The following ARHGAP26 variants were observed in gnomAD, a reference collection of about 807,000 sequenced individuals.
ARHGAP26 encodes the protein rho GTPase-activating protein 26.
A neutral mutation model predicts 104.8 loss-of-function variants in ARHGAP26; 38 were observed. The ratio of observed to expected loss-of-function variants is 0.36; its 90% CI spans 0.28 to 0.48. The LOEUF (loss-of-function observed/expected upper bound fraction) is 0.48. ARHGAP26 is among the 20% of genes least tolerant of loss of function. The pLI is 0.99. For synonymous variants in ARHGAP26, 341 were observed against 340.0 expected, an observed-to-expected ratio of 1.00 and a Z score of -0.03; for missense variants, 704 against 947.9, an observed-to-expected ratio of 0.74 and a Z score of 3.38.
intron 17 of ARHGAP26, among the ~76,000 whole-genome samples, chr5:143,096,183 T>C (rs1032586591): frequency 6.6e-6 from 1 of 152,232 alleles, no homozygotes; most frequent in African/African-American, 2.4e-5. Flanking sequence ...TTAGAAAATA[T>C]TAGTAAACTG....
chr5:143,147,529 G>C (rs983367245), intron 20 of ARHGAP26, 148 bp downstream of exon 20: 35 of 913,456 alleles, frequency 3.8e-5, no homozygotes, highest in Middle Eastern at 6.9e-4. Context: ...CAGCTGGCTT[G>C]TTGTGGGTTT....
At chr5:143,075,873 A>G (rs1365278858) in intron 17 of ARHGAP26, among the ~76,000 whole-genome samples, 2 of 151,418 alleles carry the variant, frequency 1.3e-5, no homozygotes, top group Non-Finnish European at 2.9e-5. Flanking sequence ...TAATTTTTGT[A>G]TTTTTTGTAG....
intron 17 of ARHGAP26, among the ~76,000 whole-genome samples, chr5:143,082,953 A>G (rs1790029277): frequency 6.6e-6 from 1 of 152,212 alleles, no homozygotes; most frequent in Non-Finnish European, 1.5e-5. Flanking sequence ...TGGTATTCAT[A>G]GCTAAATATC....
At chr5:142,948,022 C>A (rs552174642) in intron 11 of ARHGAP26, among the ~76,000 whole-genome samples, 4 of 152,188 alleles carry the variant, frequency 2.6e-5, no homozygotes, top group African/African-American at 9.6e-5. Context: ...CATAATCATA[C>A]CTTGTGTCTT....
Position 143,214,007 on chromosome 5 carries a change from C to A in ARHGAP26, c.2110C>A (p.Arg704=). 1 of 1,589,522 alleles carries A rather than the reference C, an allele frequency of 6.3e-7. No homozygotes were observed. The highest frequency in any genetic ancestry group is 2.3e-5 in the East Asian group (1 of 44,238). Residue 704 remains arginine (R), a synonymous_variant, in exon 22 of 23, where the codon CGG becomes AGG. Transcript: ENST00000645722. ...SDSSPVSTPF[R]KAKALYACKA... ...CCTGTTTTCACACAGCACACCGTTCCGGAAGGCAAAAGCCTTGTATGCCTG... is the reference window on the plus strand; with the variant it reads ...CCTGTTTTCACACAGCACACCGTTCAGGAAGGCAAAAGCCTTGTATGCCTG...
At chr5:143,211,724 G>A (rs533594340) in intron 21 of ARHGAP26, among the ~76,000 whole-genome samples, 3 of 151,626 alleles carry the variant, frequency 2.0e-5, no homozygotes, top group South Asian at 4.2e-4. Context: ...GTCCCATCAT[G>A]CCTGGCTAAT....
Position 143,147,154 on chromosome 5 carries a change from T to C in ARHGAP26, c.1838-77T>C. The stretch of plus-strand genomic sequence containing the variant: ...GATCTTGATCCAGTCTTATTCTTTA[T>C]ACATTTTTGTGCATGTAGCAATAGA... On this transcript the variant is annotated intron_variant, in intron 19 of 22. Transcript: ENST00000645722. 6.8e-6 allele frequency: 10 copies of C among 1,474,406 alleles called. 1 individual carries two copies. The South Asian group carries it at 1.0e-4, about 15-fold the overall frequency. The allele number at this position is 1,474,406 out of a possible 1,614,324, so 91.3% of individuals were successfully genotyped here.
At chr5:143,188,254 A>G (rs1805436365) in intron 20 of ARHGAP26, among the ~76,000 whole-genome samples, 1 of 152,210 alleles carries the variant, frequency 6.6e-6, no homozygotes, top group Non-Finnish European at 1.5e-5. Flanking sequence ...TCCAGAGCTG[A>G]CCTAGAACAC....
At chr5:142,925,775 A>G in intron 10 of ARHGAP26, among the ~76,000 whole-genome samples, 1 of 152,174 alleles carries the variant, frequency 6.6e-6, no homozygotes, top group Non-Finnish European at 1.5e-5. Context: ...CAGCTCTTCT[A>G]CTTTGAATTT....
chr5:143,012,780 A>C lies in ARHGAP26; in HGVS notation c.1108-1300A>C, dbSNP rs1035006789. The stretch of plus-strand genomic sequence containing the variant: ...GCCATTCTCCTGCCTCAGCCTCCCA[A>C]GTAGCTGGGACTACAGGCGCCCGCC... On this transcript the variant is annotated intron_variant, in intron 11 of 22. Coordinates refer to ENST00000645722, the MANE Select transcript of ARHGAP26 (RefSeq NM_001135608.3). Among the ~76,000 whole-genome samples, 4 of 149,986 alleles carry C rather than the reference A, an allele frequency of 2.7e-5. No individual in the cohort carries two copies. In the South Asian group the frequency reaches 6.4e-4, roughly 24 times the overall value.
intron 12 of ARHGAP26, among the ~76,000 whole-genome samples, chr5:143,020,756 A>G (rs1262707588): frequency 2.0e-5 from 3 of 147,092 alleles, no homozygotes; most frequent in African/African-American, 7.6e-5. Context: ...CTCCTGCCTC[A>G]GCCTCCCAAG....
rs1419600545 is a variant in ARHGAP26 at position 143,224,636 on chromosome 5, T to G, written c.*2190T>G. ...TCCACATCTTCTGAGGCTTTAGAAA[T>G]GTGGACAAGCTAGTTTTCAAATTTT... is the stretch of plus-strand genomic sequence containing the variant. On this transcript the variant is annotated 3_prime_UTR_variant, in exon 23 of 23. Coordinates refer to ENST00000645722, the MANE Select transcript of ARHGAP26 (RefSeq NM_001135608.3). 6 of 230,700 alleles carry G rather than the reference T, an allele frequency of 2.6e-5. No individual in the cohort carries two copies. Among genetic ancestry groups the G allele is most frequent in the African/African-American group, 1.3e-4 (6 of 45,244 alleles). 14.3% of individuals were successfully genotyped at this position (230,700 alleles called of 1,614,324 possible).
In ARHGAP26 at chr5:142,890,151, A is replaced by AAAAAAAAAAT. The variant is rs1252590997; in HGVS notation, c.487-4086_487-4085insAAAAAAAATA. ...AACTCCGTCTTAAAAAAAAAAAAAA[A>AAAAAAAAAAT]ATATATATATATATATATATATATA... is the stretch of plus-strand genomic sequence containing the variant. On this transcript the variant is annotated intron_variant, in intron 5 of 22. Coordinates refer to ENST00000645722, the MANE Select transcript of ARHGAP26 (RefSeq NM_001135608.3). Among the ~76,000 whole-genome samples, 16 of 32,418 alleles carry AAAAAAAAAAT rather than the reference A, an allele frequency of 4.9e-4. 1 individual carries two copies. Among genetic ancestry groups the AAAAAAAAAAT allele is most frequent in the Admixed American group, 9.8e-4 (2 of 2,048 alleles). 21.3% of individuals were successfully genotyped at this position (32,418 alleles called of 152,430 possible). A position where few individuals can be genotyped will look rare whatever the true frequency, so the allele number is the denominator to read the frequency against.
chr5:142,824,273 C>G (rs1766777676), intron 1 of ARHGAP26, among the ~76,000 whole-genome samples: 1 of 152,120 alleles, frequency 6.6e-6, no homozygotes, highest in African/African-American at 2.4e-5. Context: ...CTGCTAGTTG[C>G]TCTTGCATTG....
At chr5:142,911,308 T>C (rs1038776635) in intron 9 of ARHGAP26, among the ~76,000 whole-genome samples, 2 of 152,210 alleles carry the variant, frequency 1.3e-5, no homozygotes, top group African/African-American at 4.8e-5. Flanking sequence ...TTCTTTCTAC[T>C]TTCCCTCACT....
At chr5:142,938,279 T>G (rs1455148883) in intron 11 of ARHGAP26, among the ~76,000 whole-genome samples, 3 of 152,200 alleles carry the variant, frequency 2.0e-5, no homozygotes, top group Admixed American at 2.0e-4. Context: ...ATTCAGATAG[T>G]CAGATAAAGC....
intron 1 of ARHGAP26, among the ~76,000 whole-genome samples, chr5:142,813,211 G>A (rs1337542711): frequency 6.6e-6 from 1 of 152,132 alleles, no homozygotes. Context: ...AGAGTGCGGG[G>A]ATTACAGGCG....
chr5:142,774,679 C>G (rs1297906722), intron 1 of ARHGAP26, among the ~76,000 whole-genome samples: 1 of 152,176 alleles, frequency 6.6e-6, no homozygotes, highest in Non-Finnish European at 1.5e-5. Flanking sequence ...TAAACACCAT[C>G]ATAGTAACAT....
chr5:143,097,227 T>C (rs757280251), intron 17 of ARHGAP26, among the ~76,000 whole-genome samples: 2 of 150,394 alleles, frequency 1.3e-5, no homozygotes, highest in African/African-American at 4.9e-5. Context: ...TAATCTGGGG[T>C]GGGGCAGGGG....
Sources: gnomAD v4.1 joint callset for allele counts (sites outside exome capture counted in the v4.1 genomes callset) on GRCh38, gnomAD v4.1.1 for gene constraint, MANE v1.5 for transcripts, NCBI Gene and HGNC (gene_info 2026-07-23, HGNC 2026-07-21) for gene names.